Variants in SULT4A1 observed in about 807,000 individuals in gnomAD.
The protein encoded by SULT4A1 is sulfotransferase 4A1.
A neutral mutation model predicts 35.2 loss-of-function variants in SULT4A1; 11 were observed. That is an observed-to-expected ratio of 0.31 (90% CI 0.20 to 0.52). The LOEUF (loss-of-function observed/expected upper bound fraction) is 0.52. Ranked by LOEUF, SULT4A1 falls within the 20% of genes least tolerant of loss-of-function variation. The pLI is 0.97. For missense variants in SULT4A1, 271 were observed against 383.7 expected (o/e 0.71, Z 2.45); for synonymous variants, 152 against 151.8 (o/e 1.00, Z -0.01).
chr22:43,829,071 G>A lies in SULT4A1; in HGVS notation c.731C>T (p.Pro244Leu). ...GGTGGGGCACGTACCCCGGCCCACGGGCAGGGCCTCAGCGTTGCAGCACTG... is the reference window on the plus strand; with the variant it reads ...GGTGGGGCACGTACCCCGGCCCACGAGCAGGGCCTCAGCGTTGCAGCACTG... ...VDQCCNAEAL[P>L]VGRGRVGLWK... The change falls in exon 6 of 7, where the codon CCC becomes CTC. Residue 244 changes from proline to leucine, a missense_variant. Physicochemically the swap from Pro to Leu is moderately conservative, Grantham distance 98 (BLOSUM62 -3). Transcript: ENST00000330884. 1 of 1,535,496 alleles carries A rather than the reference G, an allele frequency of 6.5e-7. No homozygotes were observed. Among genetic ancestry groups the A allele is most frequent in the Non-Finnish European group, 8.8e-7 (1 of 1,137,342 alleles).
Position 43,841,895 on chromosome 22 carries a change from G to A in SULT4A1, c.207C>T (p.Ser69=). Residue 69 remains serine (S), a synonymous_variant, in exon 2 of 7, where the codon AGC becomes AGT. Transcript: ENST00000330884. ...CGATCTCATCGGGGTCAGCGCCCTG[G>A]CTCACCAAGTAGACCACCTCCTGCA... ...SLLQEVVYLV[S]QGADPDEIGL... is the part of the protein sequence containing the mutation. 1 of 1,613,862 alleles carries A rather than the reference G, an allele frequency of 6.2e-7. No individual in the cohort carries two copies. Among genetic ancestry groups the A allele is most frequent in the South Asian group, 1.1e-5 (1 of 91,068 alleles).
At position 43,862,505 on chromosome 22, in the gene SULT4A1, A is replaced by G. The variant is rs546817544; in HGVS notation, c.-123T>C. 37 of 891,810 alleles carry G rather than the reference A, an allele frequency of 4.1e-5. No individual in the cohort carries two copies. The African/African-American group carries it at 6.3e-4, about 15-fold the overall frequency. The allele number at this position is 891,810 out of a possible 1,614,324, so 55.2% of individuals were successfully genotyped here. A position where few individuals can be genotyped will look rare whatever the true frequency, so the allele number is the denominator to read the frequency against. On this transcript the variant is annotated 5_prime_UTR_variant, in exon 1 of 7. Coordinates refer to ENST00000330884, the MANE Select transcript of SULT4A1 (RefSeq NM_014351.4). ...CACCGGCGCGCGGCGGCAGCTCCGC[A>G]GGCGTGACGTCATGGCGCCGCCGAC...
rs576290469 is a variant in SULT4A1, at chr22:43,827,088, C to T, written c.743-975G>A. 1.1e-5 allele frequency: 11 copies of T among 985,426 alleles called. No homozygotes were observed. The South Asian group carries it at 3.3e-4, about 29-fold the overall frequency. The allele number at this position is 985,426 out of a possible 1,614,324, so 61.0% of individuals were successfully genotyped here. A position where few individuals can be genotyped will look rare whatever the true frequency, so the allele number is the denominator to read the frequency against. ...ACGGTGACCGTGAAGATGTCTGGGG[C>T]GGGGATTCCAAACTTCCCAGTTATG... On this transcript the variant is annotated intron_variant, in intron 6 of 6. Coordinates refer to ENST00000330884, the MANE Select transcript of SULT4A1 (RefSeq NM_014351.4).
intron 1 of SULT4A1, among the ~76,000 whole-genome samples, chr22:43,848,024 C>T (rs1044985762): frequency 5.3e-5 from 8 of 152,334 alleles, no homozygotes; most frequent in South Asian, 2.1e-4. Flanking sequence ...CCCCTCCACC[C>T]GCCTTGCCAC....
At chr22:43,854,396 G>A (rs577307908) in intron 1 of SULT4A1, among the ~76,000 whole-genome samples, 5 of 152,300 alleles carry the variant, frequency 3.3e-5, no homozygotes, top group Non-Finnish European at 5.9e-5. Flanking sequence ...AGCCCAGCCC[G>A]AAGCAGGGAT....
chr22:43,839,218 G>C (rs986584873), intron 3 of SULT4A1, among the ~76,000 whole-genome samples: 9 of 152,250 alleles, frequency 5.9e-5, no homozygotes, highest in Non-Finnish European at 1.3e-4. Flanking sequence ...AAAATTACTT[G>C]AGCATTTTAT....
chr22:43,832,743 A>G (rs2063334045), intron 5 of SULT4A1, among the ~76,000 whole-genome samples: 1 of 152,082 alleles, frequency 6.6e-6, no homozygotes, highest in African/African-American at 2.4e-5. Flanking sequence ...CTCTGTTCAC[A>G]GCCAGGTCTG....
chr22:43,827,334 C>G (rs765273535), intron 6 of SULT4A1: 1 of 985,328 alleles, frequency 1.0e-6, no homozygotes, highest in Non-Finnish European at 1.2e-6. Context: ...GTAACACGGA[C>G]TTTCTCTTTG....
chr22:43,846,930 C>T (rs779917197), intron 1 of SULT4A1, among the ~76,000 whole-genome samples: 36 of 152,370 alleles, frequency 2.4e-4, no homozygotes, highest in Admixed American at 4.6e-4. Flanking sequence ...ACGACCCAGA[C>T]AGACCTTCTC....
chr22:43,841,037 A>C (rs1411192280), intron 2 of SULT4A1, among the ~76,000 whole-genome samples: 2 of 152,232 alleles, frequency 1.3e-5, no homozygotes, highest in African/African-American at 4.8e-5. Context: ...TGATGCTGTC[A>C]GTCACTGCTG....
rs573319650 is a variant in SULT4A1 at position 43,844,232 on chromosome 22, G to A, written c.170-2300C>T. On this transcript the variant is annotated intron_variant, in intron 1 of 6. Transcript: ENST00000330884. Reference sequence around the variant, plus strand: ...AAAAAGAGACAAATCACCTCCGCCCGCCAGTGGCCTGGTCAGCATAACCTC... The same window carrying A: ...AAAAAGAGACAAATCACCTCCGCCCACCAGTGGCCTGGTCAGCATAACCTC... Among the ~76,000 whole-genome samples, 6 of 152,326 alleles carry A rather than the reference G, an allele frequency of 3.9e-5. No individual in the cohort carries two copies. The South Asian group carries it at 6.2e-4, about 16-fold the overall frequency.
At chr22:43,859,866 A>T (rs1016838566) in intron 1 of SULT4A1, among the ~76,000 whole-genome samples, 13 of 152,326 alleles carry the variant, frequency 8.5e-5, no homozygotes, top group Middle Eastern at 3.4e-3. Context: ...TTTCATTTTA[A>T]TTCATTAGAT....
At chr22:43,857,901 T>C (rs992290355) in intron 1 of SULT4A1, among the ~76,000 whole-genome samples, 44 of 151,168 alleles carry the variant, frequency 2.9e-4, no homozygotes, top group Non-Finnish European at 8.8e-5. Context: ...ATACAAAAAA[T>C]TAGCCAGGTG....
In SULT4A1 at chr22:43,837,962, G is replaced by A. The variant is rs931313611; in HGVS notation, c.508+905C>T. The stretch of plus-strand genomic sequence containing the variant: ...GAAAGTGTATTTTCAGCCTTGGGTA[G>A]GGAAGAGTCTCAGTGTAGATTTAAT... On this transcript the variant is annotated intron_variant, in intron 4 of 6. Transcript: ENST00000330884. 2.0e-5 allele frequency among the ~76,000 whole-genome samples: 3 copies of A among 152,216 alleles called. No homozygotes were observed. The South Asian group carries it at 6.2e-4, about 32-fold the overall frequency.
intron 1 of SULT4A1, among the ~76,000 whole-genome samples, chr22:43,842,241 C>T (rs748585617): frequency 4.6e-5 from 7 of 152,148 alleles, no homozygotes; most frequent in Non-Finnish European, 5.9e-5. Flanking sequence ...GTGGGTGACT[C>T]GGCCCAACCT....
At chr22:43,839,039 A>G in intron 3 of SULT4A1, 46 bp from the exon 4 acceptor site, 1 of 1,606,504 alleles carries the variant, frequency 6.2e-7, no homozygotes, top group Non-Finnish European at 8.5e-7. Context: ...CTTCCCTCCC[A>G]GGCAGGGCTG....
At chr22:43,831,877 G>A (rs186552224) in intron 5 of SULT4A1, among the ~76,000 whole-genome samples, 3 of 151,962 alleles carry the variant, frequency 2.0e-5, no homozygotes, top group South Asian at 2.1e-4. Flanking sequence ...CAAGCCCCAC[G>A]TGTGTGCCAA....
At chr22:43,829,597 G>C (rs1206663384) in intron 5 of SULT4A1, among the ~76,000 whole-genome samples, 1 of 152,248 alleles carries the variant, frequency 6.6e-6, no homozygotes, top group Non-Finnish European at 1.5e-5. Flanking sequence ...GCCCTTGGGA[G>C]CGCAGGGAGG....
chr22:43,825,716 T>TAG lies in SULT4A1; in HGVS notation c.*283_*284dup. 3.9e-6 allele frequency: 1 copy of TAG among 255,374 alleles called. No homozygotes were observed. The highest frequency in any genetic ancestry group is 7.4e-6 in the Non-Finnish European group (1 of 135,872). The allele number at this position is 255,374 out of a possible 1,614,324, so 15.8% of individuals were successfully genotyped here. A position where few individuals can be genotyped will look rare whatever the true frequency, so the allele number is the denominator to read the frequency against. Reference sequence around the variant, plus strand: ...TACGGGGTTGAAAAGGCAGACATTCTAGTTGCATATATTACAGGCTTTATC... The same window carrying TAG: ...TACGGGGTTGAAAAGGCAGACATTCTAGAGTTGCATATATTACAGGCTTTATC... On this transcript the variant is annotated 3_prime_UTR_variant, in exon 7 of 7. Transcript: ENST00000330884.
Sources: gnomAD v4.1 joint callset for allele counts (sites outside exome capture counted in the v4.1 genomes callset) on GRCh38, gnomAD v4.1.1 for gene constraint, MANE v1.5 for transcripts, NCBI Gene and HGNC (gene_info 2026-07-23, HGNC 2026-07-21) for gene names.